Variants in SH3BGRL2 observed in about 807,000 individuals in gnomAD.
The protein encoded by SH3BGRL2 is SH3 domain binding glutamate rich protein like 2.
In SH3BGRL2, 21 loss-of-function variants were observed where a neutral mutation model predicts 14.8. That is an observed-to-expected ratio of 1.42 (90% CI 1.01 to 2.05). The LOEUF is 2.05. SH3BGRL2 is among the 30% of genes most tolerant of loss of function. SH3BGRL2 has a pLI of 0.00. For synonymous variants in SH3BGRL2, 50 were observed against 47.8 expected, an observed-to-expected ratio of 1.05 and a Z score of -0.19; for missense variants, 147 against 130.8, an observed-to-expected ratio of 1.12 and a Z score of -0.61.
At chr6:79,647,540 C>G (rs1007262368) in intron 1 of SH3BGRL2, among the ~76,000 whole-genome samples, 1 of 151,980 alleles carries the variant, frequency 6.6e-6, no homozygotes, top group African/African-American at 2.4e-5. Flanking sequence ...ATCCTTCCCC[C>G]CAAACAACTC....
the SH3BGRL2 span, among the ~76,000 whole-genome samples, chr6:79,611,523 C>T: frequency 1.3e-5 from 2 of 151,872 alleles, no homozygotes; most frequent in African/African-American, 2.4e-5. Context: ...AGTTCTCCCT[C>T]CCTCAGCCTC....
the SH3BGRL2 span, among the ~76,000 whole-genome samples, chr6:79,557,197 A>C: frequency 6.6e-6 from 1 of 151,872 alleles, no homozygotes; most frequent in Non-Finnish European, 1.5e-5. Context: ...TTGATTTTTA[A>C]AAATAAAAAT....
At chr6:79,655,748 T>G (rs1769397133) in intron 1 of SH3BGRL2, among the ~76,000 whole-genome samples, 2 of 152,262 alleles carry the variant, frequency 1.3e-5, no homozygotes, top group Admixed American at 1.3e-4. Context: ...ATCCATGTTG[T>G]ACATGTATCA....
chr6:79,674,160 A>T (rs191712653), intron 2 of SH3BGRL2, among the ~76,000 whole-genome samples: 3 of 152,304 alleles, frequency 2.0e-5, no homozygotes, highest in Non-Finnish European at 2.9e-5. Context: ...CATTTTAATT[A>T]TTAAATTATT....
the SH3BGRL2 span, among the ~76,000 whole-genome samples, chr6:79,603,791 C>G: frequency 4.6e-5 from 7 of 152,160 alleles, no homozygotes; most frequent in South Asian, 2.1e-4. Flanking sequence ...CATTTCATCC[C>G]CAGACCACTT....
At chr6:79,682,601 G>A (rs1043481585) in intron 2 of SH3BGRL2, among the ~76,000 whole-genome samples, 14 of 152,188 alleles carry the variant, frequency 9.2e-5, no homozygotes, top group South Asian at 4.1e-4. Flanking sequence ...TGATAAAACC[G>A]GAGTTGGGTT....
the SH3BGRL2 span, among the ~76,000 whole-genome samples, chr6:79,624,393 T>C: frequency 6.6e-6 from 1 of 151,384 alleles, no homozygotes; most frequent in East Asian, 1.9e-4. Flanking sequence ...CCAAAAAAGA[T>C]GACTAGGAGA....
chr6:79,699,464 T>G (rs778302880), intron 3 of SH3BGRL2, 34 bp from the exon 4 acceptor site: 1 of 72,010 alleles, frequency 1.4e-5, no homozygotes, highest in South Asian at 4.7e-4. Flanking sequence ...AATAACTGAC[T>G]TTTTTTTTTT....
chr6:79,648,618 A>G (rs994257295), intron 1 of SH3BGRL2, among the ~76,000 whole-genome samples: 3 of 151,626 alleles, frequency 2.0e-5, no homozygotes, highest in Non-Finnish European at 4.4e-5. Context: ...AGGTTCTTTG[A>G]GTTCTTAGTT....
At chr6:79,689,863 T>A (rs1770174584) in intron 2 of SH3BGRL2, among the ~76,000 whole-genome samples, 1 of 152,200 alleles carries the variant, frequency 6.6e-6, no homozygotes, top group African/African-American at 2.4e-5. Context: ...ACCTAAAGCT[T>A]TTGAAAGTAG....
chr6:79,597,665 G>T, the SH3BGRL2 span, among the ~76,000 whole-genome samples: 3 of 152,140 alleles, frequency 2.0e-5, no homozygotes, highest in Non-Finnish European at 4.4e-5. Flanking sequence ...ATTCTAGAAA[G>T]AAAACATAAG....
At chr6:79,673,353 T>C (rs1019222148) in intron 1 of SH3BGRL2, among the ~76,000 whole-genome samples, 1 of 151,852 alleles carries the variant, frequency 6.6e-6, no homozygotes, top group African/African-American at 2.4e-5. Flanking sequence ...GGTGGGTAGA[T>C]CACTTGAGCC....
chr6:79,577,342 C>G, the SH3BGRL2 span, among the ~76,000 whole-genome samples: 7 of 152,124 alleles, frequency 4.6e-5, no homozygotes, highest in Admixed American at 4.6e-4. Flanking sequence ...TCCTCCACTT[C>G]CCTTTCTTGG....
rs891359882 is a variant in SH3BGRL2 at position 79,656,521 on chromosome 6, GACCATAAGT to G, written c.46-17090_46-17082del. Among the ~76,000 whole-genome samples the G allele has an allele frequency of 5.9e-5, 9 of 152,218 alleles. No homozygotes were observed. The South Asian group carries it at 1.9e-3, about 32-fold the overall frequency. On this transcript the variant is annotated intron_variant, in intron 1 of 3. Transcript: ENST00000369838. ...GACGACGTATCACAATACATAAAAGGACCATAAGTACAGTTGGCCCTTCCGTATTTGCAG... is the reference window on the plus strand; with the variant it reads ...GACGACGTATCACAATACATAAAAGGACAGTTGGCCCTTCCGTATTTGCAG...
rs565349983 is a variant in SH3BGRL2, at chr6:79,659,077, A to G, written c.46-14537A>G. Among the ~76,000 whole-genome samples, 169 of 152,208 alleles carry G rather than the reference A, an allele frequency of 1.1e-3. 1 individual carries two copies. The highest frequency in any genetic ancestry group is 3.6e-3 in the African/African-American group (151 of 41,540). ...GGGTAGATTGCAAAAATTTTCTCCC[A>G]TTCTATAAGTTTCCTGTTCACTCTG... On this transcript the variant is annotated intron_variant, in intron 1 of 3. Coordinates refer to ENST00000369838, the MANE Select transcript of SH3BGRL2 (RefSeq NM_031469.4).
the SH3BGRL2 span, among the ~76,000 whole-genome samples, chr6:79,591,511 G>A: frequency 5.2e-4 from 79 of 152,252 alleles, no homozygotes; most frequent in Middle Eastern, 3.4e-3. Context: ...GGGTGCAAGC[G>A]ATTCCCCTAC....
At chr6:79,589,478 A>T in the SH3BGRL2 span, among the ~76,000 whole-genome samples, 1 of 152,160 alleles carries the variant, frequency 6.6e-6, no homozygotes, top group Non-Finnish European at 1.5e-5. Flanking sequence ...ATCATTCTAT[A>T]GTACCAATCA....
intron 1 of SH3BGRL2, among the ~76,000 whole-genome samples, chr6:79,661,450 T>C (rs548441988): frequency 6.6e-6 from 1 of 152,344 alleles, no homozygotes; most frequent in Non-Finnish European, 1.5e-5. Context: ...TTTGAATGAG[T>C]TTCTTAATCC....
At chr6:79,663,295 G>T (rs906056957) in intron 1 of SH3BGRL2, among the ~76,000 whole-genome samples, 1 of 152,094 alleles carries the variant, frequency 6.6e-6, no homozygotes, top group East Asian at 1.9e-4. Flanking sequence ...ATCTACCTTT[G>T]GTCTTTGATG....
Sources: gnomAD v4.1 joint callset for allele counts (sites outside exome capture counted in the v4.1 genomes callset) on GRCh38, gnomAD v4.1.1 for gene constraint, MANE v1.5 for transcripts, NCBI Gene and HGNC (gene_info 2026-07-23, HGNC 2026-07-21) for gene names.